The following MVB12B variants were observed in gnomAD, a reference collection of about 807,000 sequenced individuals.
MVB12B encodes ESCRT-I complex subunit MVB12B.
Under a neutral mutation model 41.6 loss-of-function variants are expected in MVB12B, and 16 were observed. The ratio of observed to expected loss-of-function variants is 0.38; its 90% CI spans 0.26 to 0.58. The LOEUF (loss-of-function observed/expected upper bound fraction) is 0.58, where lower values mean the gene tolerates loss of function less well. MVB12B is among the 20% of genes least tolerant of loss of function. The pLI, the probability that MVB12B is intolerant of heterozygous loss-of-function variation, is 0.62. For synonymous variants in MVB12B, 133 were observed against 139.7 expected, an observed-to-expected ratio of 0.95 and a Z score of 0.34; for missense variants, 274 against 380.2, an observed-to-expected ratio of 0.72 and a Z score of 2.32.
intron 2 of MVB12B, among the ~76,000 whole-genome samples, chr9:126,372,860 A>C (rs1830377982): frequency 6.6e-6 from 1 of 152,164 alleles, no homozygotes; most frequent in African/African-American, 2.4e-5. Context: ...AAATAATGAG[A>C]TCATTTCAAC....
chr9:126,415,671 A>T (rs112813342), intron 6 of MVB12B, among the ~76,000 whole-genome samples: 2 of 152,174 alleles, frequency 1.3e-5, no homozygotes, highest in East Asian at 3.9e-4. Context: ...AATCAGATCA[A>T]CAAGTAGTAG....
intron 2 of MVB12B, among the ~76,000 whole-genome samples, chr9:126,361,224 TTTG>T (rs1830020107): frequency 1.3e-5 from 2 of 152,220 alleles, no homozygotes; most frequent in Non-Finnish European, 1.5e-5. Flanking sequence ...TCTATTTCTT[TTTG>T]TTGTTGTTGT....
At chr9:126,483,508 T>A (rs1438449681) in intron 8 of MVB12B, among the ~76,000 whole-genome samples, 1 of 152,094 alleles carries the variant, frequency 6.6e-6, no homozygotes, top group African/African-American at 2.4e-5. Context: ...AAGGAACTCT[T>A]CCTCCCTGGA....
At chr9:126,372,059 C>A (rs1830356548) in intron 2 of MVB12B, among the ~76,000 whole-genome samples, 1 of 152,208 alleles carries the variant, frequency 6.6e-6, no homozygotes, top group South Asian at 2.1e-4. Context: ...CCCCCCAGTC[C>A]CTGGCAGCAC....
chr9:126,342,307 T>C (rs921509405), intron 2 of MVB12B, among the ~76,000 whole-genome samples: 3 of 152,136 alleles, frequency 2.0e-5, no homozygotes, highest in Non-Finnish European at 1.5e-5. Context: ...TCCCATGCCC[T>C]CTTTTGTTGA....
chr9:126,488,876 C>T (rs745920797), intron 9 of MVB12B, among the ~76,000 whole-genome samples: 1 of 152,212 alleles, frequency 6.6e-6, no homozygotes, highest in Non-Finnish European at 1.5e-5. Flanking sequence ...GCTTCAGGGA[C>T]GGTCACCCTC....
rs2118980339 is a variant in MVB12B at position 126,386,277 on chromosome 9, C to G, written c.313-285C>G. Among the ~76,000 whole-genome samples the G allele has an allele frequency of 6.6e-6, 1 of 152,236 alleles. No individual in the cohort carries two copies. The highest frequency in any genetic ancestry group is 1.9e-4 in the East Asian group (1 of 5,170). The stretch of plus-strand genomic sequence containing the variant: ...TCCTGGGACCTGTGTGCACAGCTGC[C>G]CTCTGCTGGGTTATGTCTAAAGCAT... On this transcript the variant is annotated intron_variant, in intron 3 of 9. Transcript: ENST00000361171. This position sits in a 1 kb window ranked among gnomAD's most constrained non-coding sequence, Gnocchi z 4.3.
intron 1 of MVB12B, among the ~76,000 whole-genome samples, chr9:126,330,477 T>C (rs1403542261): frequency 6.6e-6 from 1 of 152,228 alleles, no homozygotes; most frequent in African/African-American, 2.4e-5. Flanking sequence ...TAGGACCTCA[T>C]ACTCAGACTT....
At chr9:126,329,201 T>TA (rs1199284769) in intron 1 of MVB12B, among the ~76,000 whole-genome samples, 1 of 152,158 alleles carries the variant, frequency 6.6e-6, no homozygotes, top group Admixed American at 6.5e-5. Context: ...CAGGTGACCC[T>TA]AGGGGAGTCA....
rs937049048 is a variant in MVB12B at position 126,471,294 on chromosome 9, G to A, written c.758-10075G>A. Among the ~76,000 whole-genome samples, 4 of 152,190 alleles carry A rather than the reference G, an allele frequency of 2.6e-5. No homozygotes were observed. The East Asian group carries it at 7.7e-4, about 29-fold the overall frequency. ...ATGACAGATGAAAATCTGACTCTGA[G>A]GTTAAGTGACTTGCCCAAAGCCATA... On this transcript the variant is annotated intron_variant, in intron 7 of 9. Transcript: ENST00000361171.
chr9:126,342,202 T>G (rs982174385), intron 2 of MVB12B, among the ~76,000 whole-genome samples: 7 of 152,236 alleles, frequency 4.6e-5, no homozygotes, highest in African/African-American at 1.7e-4. Context: ...AGGCAGGGAC[T>G]GGGAGTTCCC....
At chr9:126,442,982 G>GA (rs957853230) in intron 7 of MVB12B, among the ~76,000 whole-genome samples, 1 of 152,082 alleles carries the variant, frequency 6.6e-6, no homozygotes, top group Non-Finnish European at 1.5e-5. Flanking sequence ...AATTATACTG[G>GA]AAAAAAATAA....
At chr9:126,435,573 T>G (rs1832450578) in intron 7 of MVB12B, among the ~76,000 whole-genome samples, 1 of 151,858 alleles carries the variant, frequency 6.6e-6, no homozygotes, top group Non-Finnish European at 1.5e-5. Context: ...TAAATGATTT[T>G]CCTTCTTTGC....
chr9:126,336,962 G>C (rs1829300837), intron 1 of MVB12B, among the ~76,000 whole-genome samples: 1 of 152,174 alleles, frequency 6.6e-6, no homozygotes, highest in Non-Finnish European at 1.5e-5. Context: ...ACCTGCTCAA[G>C]GTCCAGTCTG....
intron 7 of MVB12B, among the ~76,000 whole-genome samples, chr9:126,447,264 T>TA (rs1369977649): frequency 6.8e-6 from 1 of 146,876 alleles, no homozygotes; most frequent in Non-Finnish European, 1.5e-5. Flanking sequence ...TTTTTTTTTT[T>TA]AACTTTCTAT....
chr9:126,335,594 C>G (rs1193768820), intron 1 of MVB12B, among the ~76,000 whole-genome samples: 1 of 152,188 alleles, frequency 6.6e-6, no homozygotes, highest in Non-Finnish European at 1.5e-5. Context: ...GGCATGTATT[C>G]CTACAGACCA....
intron 9 of MVB12B, among the ~76,000 whole-genome samples, chr9:126,493,197 A>G (rs1833770210): frequency 6.6e-6 from 1 of 152,080 alleles, no homozygotes; most frequent in Admixed American, 6.5e-5. Context: ...ATTATTTTAT[A>G]TATTAAAATA....
intron 7 of MVB12B, among the ~76,000 whole-genome samples, chr9:126,467,200 C>T (rs545660338): frequency 6.6e-6 from 1 of 152,306 alleles, no homozygotes; most frequent in East Asian, 1.9e-4. Flanking sequence ...AACGTGAGGA[C>T]TCCCCCGGGT....
intron 6 of MVB12B, among the ~76,000 whole-genome samples, chr9:126,402,655 A>C (rs984141007): frequency 6.6e-6 from 1 of 151,982 alleles, no homozygotes; most frequent in Non-Finnish European, 1.5e-5. Context: ...CTTAAAAAAA[A>C]AATGGAAGAA....
Sources: allele counts gnomAD v4.1 joint callset (sites outside exome capture counted in the v4.1 genomes callset), GRCh38; gene constraint gnomAD v4.1.1; non-coding constraint Gnocchi (gnomAD v3.1); transcripts MANE v1.5; gene names NCBI Gene and HGNC (gene_info 2026-07-23, HGNC 2026-07-21).